LOC128125817: variants seen among roughly 807,000 people sequenced by gnomAD.
At chr1:41,628,673 G>T in the LOC128125817 span, 1 of 1,055,236 alleles carries the variant, frequency 9.5e-7, no homozygotes, top group South Asian at 4.8e-5. Context: ...TTCAGAGGAA[G>T]AACTAAGCAA....
chr1:41,597,889 C>T, the LOC128125817 span, among the ~76,000 whole-genome samples: 2 of 152,234 alleles, frequency 1.3e-5, no homozygotes, highest in South Asian at 4.1e-4. Context: ...CACACATCTA[C>T]AAACAAGGCC....
At chr1:41,604,360 C>T in the LOC128125817 span, among the ~76,000 whole-genome samples, 1 of 152,120 alleles carries the variant, frequency 6.6e-6, no homozygotes, top group Non-Finnish European at 1.5e-5. Flanking sequence ...GAACAAAGTA[C>T]TGCTACAGAC....
chr1:41,620,503 C>T, the LOC128125817 span, among the ~76,000 whole-genome samples: 2 of 152,122 alleles, frequency 1.3e-5, no homozygotes, highest in African/African-American at 4.8e-5. Flanking sequence ...GCTTTTTCTT[C>T]CTAGATGCCT....
chr1:41,605,535 A>C, the LOC128125817 span, among the ~76,000 whole-genome samples: 1 of 152,148 alleles, frequency 6.6e-6, no homozygotes, highest in Non-Finnish European at 1.5e-5. Flanking sequence ...TACAAAGCTT[A>C]TAGGGAAAGA....
the LOC128125817 span, among the ~76,000 whole-genome samples, chr1:41,605,111 A>T: frequency 1.4e-5 from 2 of 140,842 alleles, no homozygotes; most frequent in Non-Finnish European, 3.1e-5. Flanking sequence ...TCTCCAATAA[A>T]AAAAAAAAAA....
At chr1:41,610,417 T>C in the LOC128125817 span, among the ~76,000 whole-genome samples, 4 of 152,232 alleles carry the variant, frequency 2.6e-5, no homozygotes, top group Non-Finnish European at 4.4e-5. Context: ...CATTCACCAT[T>C]ACATCCCTAG....
At chr1:41,588,048 A>C in the LOC128125817 span, among the ~76,000 whole-genome samples, 4 of 152,212 alleles carry the variant, frequency 2.6e-5, no homozygotes, top group Admixed American at 2.6e-4. Context: ...AGGTCGGGGA[A>C]CTCGTCCTGG....
chr1:41,606,199 C>A, the LOC128125817 span, among the ~76,000 whole-genome samples: 2 of 151,838 alleles, frequency 1.3e-5, no homozygotes, highest in South Asian at 2.1e-4. Context: ...TGGTGGTTAC[C>A]AATTTTTGGT....
At chr1:41,618,516 C>G in the LOC128125817 span, among the ~76,000 whole-genome samples, 3 of 152,208 alleles carry the variant, frequency 2.0e-5, no homozygotes, top group African/African-American at 7.2e-5. Context: ...CTGACAGCAG[C>G]GTCTGCCTGC....
the LOC128125817 span, among the ~76,000 whole-genome samples, chr1:41,589,811 C>T: frequency 3.3e-5 from 5 of 152,210 alleles, no homozygotes; most frequent in African/African-American, 1.2e-4. Flanking sequence ...TTGTAATTTA[C>T]TTACACACAC....
chr1:41,588,219 T>C, the LOC128125817 span, among the ~76,000 whole-genome samples: 3 of 152,186 alleles, frequency 2.0e-5, no homozygotes, highest in African/African-American at 7.2e-5. Context: ...GAGAGGCCTT[T>C]GGGTGCTATG....
At chr1:41,623,563 C>T in the LOC128125817 span, among the ~76,000 whole-genome samples, 1 of 152,186 alleles carries the variant, frequency 6.6e-6, no homozygotes, top group East Asian at 1.9e-4. Context: ...TAGCCCATGG[C>T]CTCCAAAAAC....
the LOC128125817 span, among the ~76,000 whole-genome samples, chr1:41,618,904 G>A: frequency 1.3e-5 from 2 of 152,184 alleles, no homozygotes; most frequent in Non-Finnish European, 2.9e-5. Context: ...AAATGGAGCT[G>A]GAATCAGACC....
the LOC128125817 span, among the ~76,000 whole-genome samples, chr1:41,626,318 A>G: frequency 4.6e-5 from 7 of 152,352 alleles, no homozygotes; most frequent in East Asian, 1.3e-3. Flanking sequence ...CAGCAGCACC[A>G]AGTCAGCACC....
At chr1:41,589,780 G>T in the LOC128125817 span, among the ~76,000 whole-genome samples, 1 of 152,150 alleles carries the variant, frequency 6.6e-6, no homozygotes, top group African/African-American at 2.4e-5. Flanking sequence ...CAGGCTGGTG[G>T]GGCTTAATAC....
chr1:41,620,612 C>T, the LOC128125817 span, among the ~76,000 whole-genome samples: 1 of 152,292 alleles, frequency 6.6e-6, no homozygotes, highest in South Asian at 2.1e-4. Flanking sequence ...CACACATCAC[C>T]TGCCCCACCC....
the LOC128125817 span, among the ~76,000 whole-genome samples, chr1:41,623,285 C>T: frequency 2.0e-5 from 3 of 152,188 alleles, no homozygotes; most frequent in Non-Finnish European, 4.4e-5. Flanking sequence ...CCGTTTTGCT[C>T]CCATCTGTCC....
At chr1:41,615,190 G>A in the LOC128125817 span, among the ~76,000 whole-genome samples, 1 of 152,120 alleles carries the variant, frequency 6.6e-6, no homozygotes, top group Non-Finnish European at 1.5e-5. Context: ...TAAGCAATAG[G>A]GACCACAGGA....
At chr1:41,627,649 C>T in the LOC128125817 span, among the ~76,000 whole-genome samples, 1 of 152,160 alleles carries the variant, frequency 6.6e-6, no homozygotes, top group East Asian at 1.9e-4. Context: ...AGTGAGGAAA[C>T]TTCAGCTTTC....
Sources: allele counts gnomAD v4.1 joint callset (sites outside exome capture counted in the v4.1 genomes callset), GRCh38; gene constraint gnomAD v4.1.1; transcripts MANE v1.5.